Variants in CFAP58 observed in about 807,000 individuals in gnomAD.
CFAP58 encodes cilia- and flagella-associated protein 58.
In CFAP58, 88 loss-of-function variants were observed where a neutral mutation model predicts 119.5. That is an observed-to-expected ratio of 0.74 (90% CI 0.62 to 0.88). The LOEUF (loss-of-function observed/expected upper bound fraction) is 0.88. Ranked by LOEUF, CFAP58 falls within the 40% of genes least tolerant of loss-of-function variation. The probability of loss-of-function intolerance (pLI) is 0.00; values close to 1 mark genes in which losing one functional copy is unlikely to be tolerated. For synonymous variants in CFAP58, 365 were observed against 366.3 expected, an observed-to-expected ratio of 1.00 and a Z score of 0.04; for missense variants, 990 against 1,021.2, an observed-to-expected ratio of 0.97 and a Z score of 0.42.
chr10:104,422,548 CAT>C (rs1222761584), intron 15 of CFAP58, among the ~76,000 whole-genome samples: 1 of 152,170 alleles, frequency 6.6e-6, no homozygotes, highest in Non-Finnish European at 1.5e-5. Context: ...CCTGGGCTGA[CAT>C]GTGCTTTTTC....
rs146625145 is a variant in CFAP58, at chr10:104,381,027, A to G, written c.1365+807A>G. On this transcript the variant is annotated intron_variant, in intron 9 of 17. Coordinates refer to ENST00000369704, the MANE Select transcript of CFAP58 (RefSeq NM_001008723.2). ...TAGTTGGGCATGGTGGTGTGCTCCT[A>G]TGATCCCAACTACTTGGAGGGCTGC... Among the ~76,000 whole-genome samples the G allele has an allele frequency of 2.2e-3, 339 of 151,992 alleles. 1 individual carries two copies. The highest frequency in any genetic ancestry group is 8.0e-3 in the African/African-American group (330 of 41,448).
chr10:104,356,984 A>C (rs1392894822), intron 1 of CFAP58, among the ~76,000 whole-genome samples: 1 of 152,222 alleles, frequency 6.6e-6, no homozygotes, highest in Non-Finnish European at 1.5e-5. Flanking sequence ...AACAAGAAGT[A>C]GGTGGATTTG....
rs545817202 is a variant in CFAP58 at position 104,383,448 on chromosome 10, TG to T, written c.1365+3229del. Among the ~76,000 whole-genome samples the T allele has an allele frequency of 5.3e-3, 803 of 152,338 alleles. 1 individual carries two copies. Among genetic ancestry groups the T allele is most frequent in the Middle Eastern group, 0.017 (5 of 294 alleles). ...AGATGATAAGTGGTAAAAAGAATGC[TG>T]CCACTGATTTTAATATACAATTGTA... On this transcript the variant is annotated intron_variant, in intron 9 of 17. Transcript: ENST00000369704.
intron 7 of CFAP58, among the ~76,000 whole-genome samples, chr10:104,372,339 T>C (rs1190866746): frequency 2.6e-5 from 4 of 151,954 alleles, no homozygotes; most frequent in Non-Finnish European, 5.9e-5. Context: ...GGTGACACAG[T>C]GAGACTCTGT....
the CFAP58 span, among the ~76,000 whole-genome samples, chr10:104,339,360 A>T: frequency 3.9e-5 from 6 of 152,314 alleles, no homozygotes; most frequent in East Asian, 9.6e-4. Flanking sequence ...GGCCTGGAGG[A>T]GCAGCAGCAG....
Position 104,452,373 on chromosome 10 carries a change from A to G in CFAP58, c.2511-2049A>G, listed in dbSNP as rs576918659. ...CTCATTCATTTTTTAAAGTTCGTAC[A>G]CTCCATTTGGAGACTGATGGTCTAG... is the stretch of plus-strand genomic sequence containing the variant. On this transcript the variant is annotated intron_variant, in intron 17 of 17. Transcript: ENST00000369704. Among the ~76,000 whole-genome samples the G allele has an allele frequency of 5.3e-5, 8 of 152,292 alleles. No homozygotes were observed. In the South Asian group the frequency reaches 1.7e-3, roughly 32 times the overall value.
In CFAP58 at chr10:104,364,865, G is replaced by A. The variant is rs376559715; in HGVS notation, c.573G>A (p.Glu191=). 6.2e-7 allele frequency: 1 copy of A among 1,610,980 alleles called. No homozygotes were observed. The highest frequency in any genetic ancestry group is 1.3e-5 in the African/African-American group (1 of 74,708). The change falls in exon 4 of 18, where the codon GAG becomes GAA. Residue 191 remains glutamate, a synonymous_variant. Coordinates refer to ENST00000369704, the MANE Select transcript of CFAP58 (RefSeq NM_001008723.2). ...EQQQETERSK[E]EAEHAISQFQ... Reference sequence around the variant, plus strand: ...AGCAGGAAACAGAGCGATCAAAAGAGGAGGCTGAACATGCCATCAGTCAGG... The same window carrying A: ...AGCAGGAAACAGAGCGATCAAAAGAAGAGGCTGAACATGCCATCAGTCAGG...
At chr10:104,375,411 A>C (rs1054631583) in intron 7 of CFAP58, among the ~76,000 whole-genome samples, 4 of 152,178 alleles carry the variant, frequency 2.6e-5, no homozygotes, top group African/African-American at 9.7e-5. Context: ...TGTATAATAA[A>C]AAACATTTAA....
At chr10:104,342,843 T>TAA in the CFAP58 span, among the ~76,000 whole-genome samples, 3 of 34,350 alleles carry the variant, frequency 8.7e-5, no homozygotes, top group Non-Finnish European at 1.8e-4. Flanking sequence ...AGACCCTGTA[T>TAA]CAAAAAAAAA....
intron 11 of CFAP58, among the ~76,000 whole-genome samples, chr10:104,397,335 A>G (rs2012182388): frequency 6.6e-6 from 1 of 152,172 alleles, no homozygotes; most frequent in Admixed American, 6.5e-5. Flanking sequence ...CCTTTTGCTT[A>G]TCCCTAGACC....
chr10:104,359,665 C>T (rs1390275075), intron 2 of CFAP58, among the ~76,000 whole-genome samples: 4 of 152,148 alleles, frequency 2.6e-5, no homozygotes, highest in Non-Finnish European at 4.4e-5. Flanking sequence ...GGCGTGGTGG[C>T]ATATGCCTGT....
chr10:104,364,466 ACACACT>A (rs1229973324), intron 3 of CFAP58, among the ~76,000 whole-genome samples: 2 of 150,670 alleles, frequency 1.3e-5, no homozygotes, highest in East Asian at 3.9e-4. Flanking sequence ...ACACACACAC[ACACACT>A]CTCACACGCA....
chr10:104,358,922 A>G (rs950469243), intron 2 of CFAP58, among the ~76,000 whole-genome samples: 3 of 152,226 alleles, frequency 2.0e-5, no homozygotes, highest in Non-Finnish European at 4.4e-5. Context: ...ATCTTATTTG[A>G]TGCATGATGA....
Position 104,438,365 on chromosome 10 carries a change from TTTTTTTTTG to T in CFAP58, c.2257-9324_2257-9316del, listed in dbSNP as rs1564904864. Among the ~76,000 whole-genome samples the T allele has an allele frequency of 6.8e-3, 851 of 125,926 alleles. 50 individuals carry two copies. Among genetic ancestry groups the T allele is most frequent in the African/African-American group, 0.029 (762 of 26,336 alleles). The allele number at this position is 125,926 out of a possible 152,430, so 82.6% of individuals were successfully genotyped here. On this transcript the variant is annotated intron_variant, in intron 15 of 17. Transcript: ENST00000369704. ...TGTTTTTTGTTTTTTTTTTTTGTTTTTTTTTTTTGTTTTTTTTTTTTGAGACGGAGTCTC... is the reference window on the plus strand; with the variant it reads ...TGTTTTTTGTTTTTTTTTTTTGTTTTTTTTTTTTTTTTGAGACGGAGTCTC...
At chr10:104,449,761 T>A (rs567044411) in intron 16 of CFAP58, among the ~76,000 whole-genome samples, 51 of 152,336 alleles carry the variant, frequency 3.3e-4, no homozygotes, top group African/African-American at 1.1e-3. Context: ...TCTGTCTCTA[T>A]TCATGATATT....
In CFAP58 at chr10:104,364,781, C is replaced by T. The variant is rs1185944313; in HGVS notation, c.489C>T (p.Asp163=). The T allele has an allele frequency of 6.2e-7, 1 of 1,612,576 alleles. No homozygotes were observed. The highest frequency in any genetic ancestry group is 8.5e-7 in the Non-Finnish European group (1 of 1,179,374). The part of the protein sequence containing the change: ...RFKEEVTKER[D]QLLSEVVKLR... ...AAGAAGAAGTGACAAAGGAGAGAGA[C>T]CAGCTCTTATCAGAAGTGGTAAAAT... Residue 163 remains aspartate, a synonymous_variant, in exon 4 of 18, where the codon GAC becomes GAT. Coordinates refer to ENST00000369704, the MANE Select transcript of CFAP58 (RefSeq NM_001008723.2).
intron 5 of CFAP58, 151 bp from the exon 6 acceptor site, chr10:104,368,272 G>A (rs2014777335): frequency 4.7e-6 from 3 of 641,166 alleles, no homozygotes; most frequent in Non-Finnish European, 7.8e-6. Flanking sequence ...GTGCGTTAGT[G>A]CTTTCATCGG....
intron 11 of CFAP58, among the ~76,000 whole-genome samples, chr10:104,396,780 G>A (rs193026604): frequency 4.5e-4 from 69 of 152,326 alleles, no homozygotes; most frequent in Non-Finnish European, 8.1e-4. Context: ...CACCTAGGGC[G>A]TTGCTTGATG....
At chr10:104,361,017 T>C (rs1215537407) in intron 2 of CFAP58, among the ~76,000 whole-genome samples, 1 of 152,142 alleles carries the variant, frequency 6.6e-6, no homozygotes, top group Non-Finnish European at 1.5e-5. Context: ...AAGAGGATGG[T>C]GCTAAACCAT....
Sources: allele counts gnomAD v4.1 joint callset (sites outside exome capture counted in the v4.1 genomes callset), GRCh38; gene constraint gnomAD v4.1.1; transcripts MANE v1.5; gene names NCBI Gene and HGNC (gene_info 2026-07-23, HGNC 2026-07-21).